Variants in SCFD2 observed in about 807,000 individuals in gnomAD.
SCFD2 encodes sec1 family domain-containing protein 2.
In SCFD2, 54 loss-of-function variants were observed where a neutral mutation model predicts 58.9. The observed-to-expected ratio is 0.92, with a 90% CI of 0.74 to 1.15. The LOEUF is 1.15. Ranked by LOEUF, SCFD2 falls within the 50% of genes most tolerant of loss-of-function variation. The pLI, the probability that SCFD2 is intolerant of heterozygous loss-of-function variation, is 0.00. For missense variants in SCFD2, 805 were observed against 836.6 expected (o/e 0.96, Z 0.47); for synonymous variants, 321 against 335.9 (o/e 0.96, Z 0.49).
chr4:53,293,789 T>G (rs1451338657), intron 3 of SCFD2, among the ~76,000 whole-genome samples: 2 of 152,144 alleles, frequency 1.3e-5, no homozygotes, highest in Non-Finnish European at 2.9e-5. Context: ...CGTGCAGGTT[T>G]GTTACATAGG....
chr4:53,251,864 G>C (rs1263504978), intron 4 of SCFD2, among the ~76,000 whole-genome samples: 6 of 151,328 alleles, frequency 4.0e-5, no homozygotes, highest in Admixed American at 4.0e-4. Flanking sequence ...ATTCAACACA[G>C]TGTTGGAAGT....
intron 5 of SCFD2, among the ~76,000 whole-genome samples, chr4:53,036,777 G>A (rs1428060264): frequency 6.6e-6 from 1 of 152,094 alleles, no homozygotes; most frequent in Non-Finnish European, 1.5e-5. Context: ...AACCACCATG[G>A]CACATGTATA....
intron 5 of SCFD2, among the ~76,000 whole-genome samples, chr4:53,122,391 C>T (rs1189718988): frequency 6.6e-6 from 1 of 151,718 alleles, no homozygotes; most frequent in Non-Finnish European, 1.5e-5. Flanking sequence ...AAAAAAAAAT[C>T]CTGAACTCTG....
chr4:52,908,470 A>G (rs543717552), intron 6 of SCFD2, among the ~76,000 whole-genome samples: 1 of 152,296 alleles, frequency 6.6e-6, no homozygotes, highest in African/African-American at 2.4e-5. Flanking sequence ...GGAGGAAGGA[A>G]TATCTTCCCT....
chr4:52,886,900 A>C (rs781253236), intron 7 of SCFD2, among the ~76,000 whole-genome samples: 3 of 152,214 alleles, frequency 2.0e-5, no homozygotes, highest in Non-Finnish European at 2.9e-5. Context: ...GTTAATCTTC[A>C]GGTCTCAGCA....
At chr4:53,222,011 G>C (rs552847260) in intron 4 of SCFD2, among the ~76,000 whole-genome samples, 2 of 152,348 alleles carry the variant, frequency 1.3e-5, no homozygotes, top group African/African-American at 4.8e-5. Flanking sequence ...TCAAATTTCA[G>C]TACCAGACAG....
intron 5 of SCFD2, among the ~76,000 whole-genome samples, chr4:53,095,553 T>G (rs1724598151): frequency 6.6e-6 from 1 of 152,162 alleles, no homozygotes; most frequent in Non-Finnish European, 1.5e-5. Flanking sequence ...CTCTTCAGTA[T>G]CTTCTTGACA....
intron 4 of SCFD2, among the ~76,000 whole-genome samples, chr4:53,200,372 C>G (rs1441146800): frequency 1.3e-5 from 2 of 152,046 alleles, no homozygotes; most frequent in Non-Finnish European, 2.9e-5. Flanking sequence ...CCACCACCAC[C>G]AACTAAACCC....
At chr4:52,971,945 C>A (rs1257664017) in intron 5 of SCFD2, among the ~76,000 whole-genome samples, 5 of 152,028 alleles carry the variant, frequency 3.3e-5, no homozygotes, top group East Asian at 3.9e-4. Flanking sequence ...GAAATAAAAT[C>A]CTTTATAGAC....
chr4:53,072,237 T>G lies in SCFD2; in HGVS notation c.1561+73096A>C, dbSNP rs369545768. ...AGGGTACTGTTAGCAATCCAGGCTC[T>G]GGTGTTAGTGATACAGGAGCTAGAA... is the stretch of plus-strand genomic sequence containing the variant. On this transcript the variant is annotated intron_variant, in intron 5 of 8. Transcript: ENST00000401642. Among the ~76,000 whole-genome samples the G allele has an allele frequency of 1.3e-4, 20 of 152,298 alleles. No individual in the cohort carries two copies. In the East Asian group the frequency reaches 2.7e-3, roughly 21 times the overall value.
At chr4:53,235,796 C>A (rs192454706) in intron 4 of SCFD2, among the ~76,000 whole-genome samples, 3 of 151,986 alleles carry the variant, frequency 2.0e-5, no homozygotes, top group Non-Finnish European at 4.4e-5. Context: ...TGTGTGCATA[C>A]GTGTGTGCAT....
chr4:52,965,195 G>A (rs1720936395), intron 5 of SCFD2, among the ~76,000 whole-genome samples: 1 of 152,098 alleles, frequency 6.6e-6, no homozygotes, highest in African/African-American at 2.4e-5. Flanking sequence ...TTTTCTAGGA[G>A]CCATATTGAA....
intron 4 of SCFD2, 75 bp downstream of exon 4, chr4:53,273,751 A>G: frequency 7.7e-7 from 1 of 1,293,078 alleles, no homozygotes; most frequent in South Asian, 1.5e-5. Context: ...TAAGGCTATA[A>G]TAAATGTCAA....
At chr4:53,318,791 G>A (rs1732939195) in intron 2 of SCFD2, among the ~76,000 whole-genome samples, 1 of 151,732 alleles carries the variant, frequency 6.6e-6, no homozygotes, top group African/African-American at 2.4e-5. Flanking sequence ...AAAATACAAT[G>A]TTAAATATAG....
At chr4:53,151,084 A>G (rs1469939083) in intron 4 of SCFD2, among the ~76,000 whole-genome samples, 1 of 152,220 alleles carries the variant, frequency 6.6e-6, no homozygotes, top group Non-Finnish European at 1.5e-5. Context: ...TGGAAAGAGA[A>G]TTAGACCTTC....
chr4:52,933,388 T>C (rs887274893), intron 5 of SCFD2, among the ~76,000 whole-genome samples: 4 of 152,232 alleles, frequency 2.6e-5, no homozygotes, highest in Non-Finnish European at 4.4e-5. Context: ...TCACATTGTC[T>C]ACAGGGAGAT....
intron 5 of SCFD2, among the ~76,000 whole-genome samples, chr4:53,021,301 C>T (rs1722343959): frequency 6.6e-6 from 1 of 152,112 alleles, no homozygotes; most frequent in Non-Finnish European, 1.5e-5. Flanking sequence ...AAAAGGATAA[C>T]TTGAAACCCA....
chr4:53,347,955 T>A (rs1273484137), intron 2 of SCFD2, among the ~76,000 whole-genome samples: 1 of 152,204 alleles, frequency 6.6e-6, no homozygotes, highest in Admixed American at 6.5e-5. Context: ...GTGAAGGTTA[T>A]TTAAGGACCT....
At chr4:52,929,729 T>C (rs889439289) in intron 5 of SCFD2, among the ~76,000 whole-genome samples, 1 of 152,166 alleles carries the variant, frequency 6.6e-6, no homozygotes, top group Admixed American at 6.5e-5. Context: ...AGCAGCCCTT[T>C]GATCCTGAAC....
Sources: gnomAD v4.1 joint callset for allele counts (sites outside exome capture counted in the v4.1 genomes callset) on GRCh38, gnomAD v4.1.1 for gene constraint, MANE v1.5 for transcripts, NCBI Gene and HGNC (gene_info 2026-07-23, HGNC 2026-07-21) for gene names.